IL16: variants seen among roughly 807,000 people sequenced by gnomAD.
IL16 encodes pro-interleukin-16.
In IL16, 67 loss-of-function variants were observed where a neutral mutation model predicts 110.1. The observed-to-expected ratio is 0.61, with a 90% CI of 0.50 to 0.75. The LOEUF is 0.75. Among genes scored for constraint, IL16 ranks in the 30% least tolerant of loss-of-function variants. The pLI is 0.00. For missense variants in IL16, 1,545 were observed against 1,655.0 expected (o/e 0.93, Z 1.15); for synonymous variants, 689 against 662.9 (o/e 1.04, Z -0.61).
At chr15:81,230,096 G>A (rs1896919957) in intron 2 of IL16, among the ~76,000 whole-genome samples, 2 of 152,198 alleles carry the variant, frequency 1.3e-5, no homozygotes, top group African/African-American at 4.8e-5. Flanking sequence ...ATTTGAATCT[G>A]TGTTGTGCAT....
At chr15:81,211,592 T>C (rs1220250907) in intron 1 of IL16, among the ~76,000 whole-genome samples, 7 of 152,208 alleles carry the variant, frequency 4.6e-5, no homozygotes, top group Non-Finnish European at 1.0e-4. Flanking sequence ...CTCACTATGT[T>C]GTCTTGGCTG....
At chr15:81,263,346 ATT>A (rs10717016) in intron 3 of IL16, among the ~76,000 whole-genome samples, 55 of 109,790 alleles carry the variant, frequency 5.0e-4, no homozygotes, top group Non-Finnish European at 2.7e-4. Context: ...TTCAAAAACT[ATT>A]TTTTTTTGTT....
chr15:81,287,137 T>C (rs1209075015), intron 10 of IL16, among the ~76,000 whole-genome samples: 2 of 152,172 alleles, frequency 1.3e-5, no homozygotes, highest in East Asian at 3.8e-4. Context: ...CATGAGGCAA[T>C]GCTTGGGAAG....
chr15:81,237,135 T>G (rs1897202046), intron 2 of IL16, among the ~76,000 whole-genome samples: 1 of 152,222 alleles, frequency 6.6e-6, no homozygotes, highest in Admixed American at 6.5e-5. Flanking sequence ...GCCTGGAATA[T>G]CTTCCTCACT....
rs1304523317 is a variant in IL16, at chr15:81,303,756, A to C, written c.3420+106A>C. Reference sequence around the variant, plus strand: ...CCTGTGCTGGGGAAATGAAGAATGCATGACACTAGGCCACTGGGCAGGTCC... The same window carrying C: ...CCTGTGCTGGGGAAATGAAGAATGCCTGACACTAGGCCACTGGGCAGGTCC... On this transcript the variant is annotated intron_variant, in intron 16 of 18. Transcript: ENST00000683961. The surrounding 1 kb of genome is among the most constrained non-coding windows in gnomAD (Gnocchi z 4.1). 7 of 765,096 alleles carry C rather than the reference A, an allele frequency of 9.1e-6. No homozygotes were observed. Among genetic ancestry groups the C allele is most frequent in the Non-Finnish European group, 1.4e-5 (6 of 434,312 alleles). 47.4% of individuals were successfully genotyped at this position (765,096 alleles called of 1,614,324 possible). A position where few individuals can be genotyped will look rare whatever the true frequency, so the allele number is the denominator to read the frequency against.
chr15:81,247,065 CT>C (rs1897576676), intron 2 of IL16, among the ~76,000 whole-genome samples: 1 of 101,952 alleles, frequency 9.8e-6, no homozygotes, highest in African/African-American at 4.4e-5. Context: ...TGTTTTCTTT[CT>C]TTTCTTTTCC....
chr15:81,302,501 T>TTGG (rs1900337566), intron 15 of IL16, among the ~76,000 whole-genome samples: 1 of 152,130 alleles, frequency 6.6e-6, no homozygotes. Flanking sequence ...TGGGCTAGTG[T>TTGG]TGGGGCTTGG....
At chr15:81,254,841 A>G (rs1439876595) in intron 2 of IL16, among the ~76,000 whole-genome samples, 1 of 152,206 alleles carries the variant, frequency 6.6e-6, no homozygotes, top group Admixed American at 6.5e-5. Context: ...GAGAGAGACC[A>G]GATGCTTTGT....
intron 2 of IL16, among the ~76,000 whole-genome samples, chr15:81,246,472 G>A (rs1034485293): frequency 6.6e-6 from 1 of 152,144 alleles, no homozygotes; most frequent in Non-Finnish European, 1.5e-5. Context: ...ATCTGTTAAA[G>A]TGGTAAATGA....
chr15:81,293,205 G>C (rs1033971571), intron 12 of IL16, among the ~76,000 whole-genome samples, 168 bp downstream of exon 12: 2 of 152,222 alleles, frequency 1.3e-5, no homozygotes, highest in Non-Finnish European at 2.9e-5. Flanking sequence ...TGAAAAGATG[G>C]GTTTGAAGGT....
In IL16 at chr15:81,272,770, G is replaced by A. The variant is rs184742144; in HGVS notation, c.676-320G>A. Among the ~76,000 whole-genome samples the A allele has an allele frequency of 2.6e-5, 4 of 152,332 alleles. No individual in the cohort carries two copies. The South Asian group carries it at 8.3e-4, about 32-fold the overall frequency. ...CAGAAGCAGAAAGTGATTGGCCCAG[G>A]ATTGCCAACTGGAGGGACAGAGCCA... On this transcript the variant is annotated intron_variant, in intron 5 of 18. Transcript: ENST00000683961.
Position 81,300,478 on chromosome 15 carries a change from G to A in IL16, c.3149+3G>A. On this transcript the variant is annotated splice_donor_region_variant and intron_variant, in intron 14 of 18. Coordinates refer to ENST00000683961, the MANE Select transcript of IL16 (RefSeq NM_172217.5). Reference sequence around the variant, plus strand: ...TTGGACACAGGGTTCTCGCTCAAGTGAGTTTCTACACCCGGTGTTTCTCTT... The same window carrying A: ...TTGGACACAGGGTTCTCGCTCAAGTAAGTTTCTACACCCGGTGTTTCTCTT... 1 of 1,596,368 alleles carries A rather than the reference G, an allele frequency of 6.3e-7. No homozygotes were observed. Among genetic ancestry groups the A allele is most frequent in the Non-Finnish European group, 8.6e-7 (1 of 1,165,072 alleles).
At chr15:81,242,459 G>A (rs1192235731) in intron 2 of IL16, among the ~76,000 whole-genome samples, 1 of 152,102 alleles carries the variant, frequency 6.6e-6, no homozygotes, top group African/African-American at 2.4e-5. Flanking sequence ...TACATGTTTT[G>A]TCAGATTTAT....
intron 10 of IL16, among the ~76,000 whole-genome samples, chr15:81,288,299 C>T (rs1213253792): frequency 2.0e-5 from 3 of 152,202 alleles, no homozygotes; most frequent in Admixed American, 1.3e-4. Flanking sequence ...CATCTAACCT[C>T]CAAGAGCCTC....
chr15:81,199,019 CAA>C (rs71451567), intron 1 of IL16, among the ~76,000 whole-genome samples: 53 of 79,224 alleles, frequency 6.7e-4, no homozygotes, highest in Non-Finnish European at 9.1e-4. Flanking sequence ...GACTCCATCT[CAA>C]AAAAAAAAAA....
chr15:81,287,585 T>C (rs1899507484), intron 10 of IL16, among the ~76,000 whole-genome samples: 3 of 152,228 alleles, frequency 2.0e-5, no homozygotes, highest in South Asian at 4.1e-4. Context: ...AGTGTGATAT[T>C]TCCCCCCCAA....
At chr15:81,221,036 CT>C (rs146913164) in intron 1 of IL16, among the ~76,000 whole-genome samples, 5 of 150,684 alleles carry the variant, frequency 3.3e-5, no homozygotes, top group South Asian at 2.1e-4. Flanking sequence ...TCCTGCCCCA[CT>C]TTTTTTTTGG....
At chr15:81,263,338 CA>C (rs950853143) in intron 3 of IL16, among the ~76,000 whole-genome samples, 1 of 145,560 alleles carries the variant, frequency 6.9e-6, no homozygotes, top group African/African-American at 2.5e-5. Flanking sequence ...GCTCCCCTTT[CA>C]AAAACTATTT....
chr15:81,267,845 G>T (rs574691885), intron 4 of IL16, among the ~76,000 whole-genome samples: 29 of 152,320 alleles, frequency 1.9e-4, no homozygotes, highest in African/African-American at 7.0e-4. Context: ...CAGCAGATTG[G>T]ATGAGGCTCA....
Sources: gnomAD v4.1 joint callset for allele counts (sites outside exome capture counted in the v4.1 genomes callset) on GRCh38, gnomAD v4.1.1 for gene constraint, Gnocchi (gnomAD v3.1) non-coding constraint, MANE v1.5 for transcripts, NCBI Gene and HGNC (gene_info 2026-07-23, HGNC 2026-07-21) for gene names.